TNNI3K: variants seen among roughly 807,000 people sequenced by gnomAD.
TNNI3K encodes the protein TNNI3 interacting kinase.
TNNI3K carries 140 observed loss-of-function variants against 114.5 expected under a neutral mutation model. That is an observed-to-expected ratio of 1.22 (90% CI 1.07 to 1.41). The LOEUF is 1.41. Among genes scored for constraint, TNNI3K ranks in the 40% most tolerant of loss-of-function variants. The probability of loss-of-function intolerance (pLI) is 0.00; values close to 1 mark genes in which losing one functional copy is unlikely to be tolerated. For synonymous variants in TNNI3K, 347 were observed against 347.5 expected (o/e 1.00, Z 0.02); for missense variants, 1,125 against 1,007.6 (o/e 1.12, Z -1.58).
At position 74,465,449 on chromosome 1, in the gene TNNI3K, C is replaced by T. The variant is rs187769968; in HGVS notation, c.2121+1899C>T. 1.8e-4 allele frequency among the ~76,000 whole-genome samples: 27 copies of T among 152,314 alleles called. No homozygotes were observed. The East Asian group carries it at 1.9e-3, about 11-fold the overall frequency. ...GCCAGGTCCCGCAACACTGCTGGCC[C>T]GCCCGCACCGTGCTCAAATTCTCAC... On this transcript the variant is annotated intron_variant, in intron 21 of 24. Coordinates refer to ENST00000326637, the MANE Select transcript of TNNI3K (RefSeq NM_015978.3).
intron 19 of TNNI3K, among the ~76,000 whole-genome samples, chr1:74,437,066 C>A (rs1160044837): frequency 1.3e-5 from 2 of 151,938 alleles, no homozygotes; most frequent in Non-Finnish European, 2.9e-5. Flanking sequence ...AATCCCTCCC[C>A]CTGAAAAAAA....
intron 11 of TNNI3K, among the ~76,000 whole-genome samples, chr1:74,357,820 G>A (rs1195625347): frequency 7.2e-5 from 11 of 151,902 alleles, no homozygotes; most frequent in Admixed American, 2.0e-4. Flanking sequence ...AAAGTGTAGC[G>A]ATCGCTGTCT....
rs369016027 is a variant in TNNI3K, at chr1:74,314,784, G to A, written c.445-16666G>A. 9.2e-5 allele frequency among the ~76,000 whole-genome samples: 14 copies of A among 152,026 alleles called. No homozygotes were observed. The East Asian group carries it at 2.5e-3, about 27-fold the overall frequency. On this transcript the variant is annotated intron_variant, in intron 5 of 24. Coordinates refer to ENST00000326637, the MANE Select transcript of TNNI3K (RefSeq NM_015978.3). ...TTTCCTCTAATTTGATTACAATTTG[G>A]GTAGAAACATGTTTGTAGTTAGATA...
intron 23 of TNNI3K, among the ~76,000 whole-genome samples, chr1:74,499,459 T>C (rs1408433473): frequency 1.3e-5 from 2 of 152,194 alleles, no homozygotes; most frequent in Non-Finnish European, 2.9e-5. Context: ...AAGTATGTTG[T>C]TGTAATTGTT....
intron 17 of TNNI3K, among the ~76,000 whole-genome samples, chr1:74,432,109 G>T (rs566137226): frequency 6.6e-6 from 1 of 152,052 alleles, no homozygotes; most frequent in Admixed American, 6.6e-5. Context: ...CACAGCTTAT[G>T]TGTACATGTT....
chr1:74,315,710 C>G (rs115817492), intron 5 of TNNI3K, among the ~76,000 whole-genome samples: 1 of 152,056 alleles, frequency 6.6e-6, no homozygotes, highest in South Asian at 2.1e-4. Flanking sequence ...ATCATCGATT[C>G]TCCTTTGTGT....
intron 5 of TNNI3K, among the ~76,000 whole-genome samples, chr1:74,299,759 T>A (rs1658204662): frequency 6.6e-6 from 1 of 152,148 alleles, no homozygotes; most frequent in African/African-American, 2.4e-5. Flanking sequence ...TTTATGTGGC[T>A]GGACCTTGAA....
At chr1:74,487,515 A>G (rs1288645201) in intron 21 of TNNI3K, among the ~76,000 whole-genome samples, 1 of 152,144 alleles carries the variant, frequency 6.6e-6, no homozygotes, top group Non-Finnish European at 1.5e-5. Flanking sequence ...GGATTCAATA[A>G]AGTTTAGGAT....
intron 5 of TNNI3K, among the ~76,000 whole-genome samples, chr1:74,308,439 A>G (rs551869682): frequency 2.6e-5 from 4 of 152,312 alleles, no homozygotes; most frequent in African/African-American, 9.6e-5. Flanking sequence ...ATTAAGGCAG[A>G]AATCAAAAAA....
intron 17 of TNNI3K, among the ~76,000 whole-genome samples, chr1:74,408,992 C>CAA (rs34316748): frequency 7.4e-5 from 10 of 134,406 alleles, no homozygotes; most frequent in Non-Finnish European, 1.2e-4. Flanking sequence ...CTCCATATAA[C>CAA]AAAAAAAAAA....
At chr1:74,396,216 G>T (rs1227506519) in intron 17 of TNNI3K, among the ~76,000 whole-genome samples, 3 of 152,168 alleles carry the variant, frequency 2.0e-5, no homozygotes, top group African/African-American at 4.8e-5. Flanking sequence ...TAATCTGGGG[G>T]TCATGAAGGA....
chr1:74,532,297 T>G (rs1646598044), intron 23 of TNNI3K, among the ~76,000 whole-genome samples: 1 of 152,198 alleles, frequency 6.6e-6, no homozygotes, highest in Admixed American at 6.6e-5. Flanking sequence ...AAGCTGATTC[T>G]GATTTTGCTC....
chr1:74,355,016 T>G (rs1280379969), intron 11 of TNNI3K, among the ~76,000 whole-genome samples: 3 of 152,186 alleles, frequency 2.0e-5, no homozygotes, highest in African/African-American at 7.2e-5. Flanking sequence ...GCTCTCCATA[T>G]ACACATACAC....
rs775932123 is a variant in TNNI3K at position 74,331,477 on chromosome 1, G to A, written c.472G>A (p.Ala158Thr). ...TGCTGATGTGCTGTTGCAACATGGA[G>A]CTAATGTCAATATTCAAGATGCAGT... ...EAADVLLQHG[A>T]NVNIQDAVFF... The change falls in exon 6 of 25, where the codon GCT becomes ACT. Residue 158 changes from alanine (A) to threonine (T), a missense_variant. Coordinates refer to ENST00000326637, the MANE Select transcript of TNNI3K (RefSeq NM_015978.3). 8.7e-6 allele frequency: 14 copies of A among 1,613,620 alleles called. No homozygotes were observed. The highest frequency in any genetic ancestry group is 1.2e-5 in the Non-Finnish European group (14 of 1,179,830).
intron 21 of TNNI3K, among the ~76,000 whole-genome samples, chr1:74,472,747 A>ATT: frequency 1.3e-5 from 2 of 152,176 alleles, no homozygotes; most frequent in Non-Finnish European, 2.9e-5. Context: ...TGTTCATTAA[A>ATT]TATTTGTTAA....
At chr1:74,415,752 A>G (rs1416616140) in intron 17 of TNNI3K, among the ~76,000 whole-genome samples, 2 of 148,736 alleles carry the variant, frequency 1.3e-5, no homozygotes, top group African/African-American at 5.0e-5. Flanking sequence ...TTTTTTCCCC[A>G]GTGATTTGAA....
chr1:74,266,225 A>G (rs1211758825), intron 4 of TNNI3K, among the ~76,000 whole-genome samples: 1 of 151,990 alleles, frequency 6.6e-6, no homozygotes, highest in Non-Finnish European at 1.5e-5. Flanking sequence ...GGCTTAACAC[A>G]CTGACTGGAA....
intron 23 of TNNI3K, among the ~76,000 whole-genome samples, chr1:74,534,055 C>T (rs542137543): frequency 3.6e-4 from 54 of 152,108 alleles, no homozygotes; most frequent in Non-Finnish European, 6.9e-4. Flanking sequence ...TCCCAGACAC[C>T]CCACAGGGGT....
At chr1:74,475,370 C>A (rs1336801026) in intron 21 of TNNI3K, 1 of 716,342 alleles carries the variant, frequency 1.4e-6, no homozygotes. Context: ...AGCTTTTGAA[C>A]TTTCCTTGGA....
Sources: allele counts gnomAD v4.1 joint callset (sites outside exome capture counted in the v4.1 genomes callset), GRCh38; gene constraint gnomAD v4.1.1; transcripts MANE v1.5; gene names NCBI Gene and HGNC (gene_info 2026-07-23, HGNC 2026-07-21).